Variants in PCDHGA6 observed in about 807,000 individuals in gnomAD.
PCDHGA6 encodes protocadherin gamma subfamily A, 6.
A neutral mutation model predicts 60.6 loss-of-function variants in PCDHGA6; 41 were observed. That is an observed-to-expected ratio of 0.68 (90% CI 0.53 to 0.88). PCDHGA6 has a LOEUF of 0.88. PCDHGA6 is among the 40% of genes least tolerant of loss of function. The probability of loss-of-function intolerance (pLI) is 0.00; values close to 1 mark genes in which losing one functional copy is unlikely to be tolerated. For missense variants in PCDHGA6, 1,312 were observed against 1,203.0 expected (o/e 1.09, Z -1.34); for synonymous variants, 594 against 524.4 (o/e 1.13, Z -1.81).
At chr5:141,433,103 C>T (rs762225174) in intron 1 of PCDHGA6, 3 of 1,614,126 alleles carry the variant, frequency 1.9e-6, no homozygotes, top group Non-Finnish European at 2.5e-6. Flanking sequence ...GCTCGTCAGC[C>T]AGGAGAGCTT....
chr5:141,507,846 T>G (rs892503210), intron 3 of PCDHGA6, among the ~76,000 whole-genome samples: 1 of 152,134 alleles, frequency 6.6e-6, no homozygotes, highest in African/African-American at 2.4e-5. Context: ...CAGGCCCTGC[T>G]CTCACTTTCA....
At chr5:141,384,845 A>G (rs866832912) in intron 1 of PCDHGA6, 1 of 1,613,546 alleles carries the variant, frequency 6.2e-7, no homozygotes. Flanking sequence ...GTCCAGGACC[A>G]CGGTCAGCCT....
At chr5:141,386,725 TA>T (rs1200567298) in intron 1 of PCDHGA6, among the ~76,000 whole-genome samples, 3 of 152,182 alleles carry the variant, frequency 2.0e-5, no homozygotes, top group African/African-American at 7.2e-5. Context: ...CCAACAATGT[TA>T]CTGAGGGAAG....
At chr5:141,419,656 G>A (rs1374057056) in intron 1 of PCDHGA6, 15 of 1,612,528 alleles carry the variant, frequency 9.3e-6, no homozygotes, top group Non-Finnish European at 8.5e-6. Context: ...CGGACTCGGG[G>A]CACAATGCCT....
chr5:141,414,864 G>A (rs766848727), intron 1 of PCDHGA6: 2 of 1,614,174 alleles, frequency 1.2e-6, no homozygotes, highest in South Asian at 2.2e-5. Context: ...ACGACAATGC[G>A]CCCGAGATCC....
At chr5:141,408,266 C>G in intron 1 of PCDHGA6, 1 of 1,608,708 alleles carries the variant, frequency 6.2e-7, no homozygotes, top group Non-Finnish European at 8.5e-7. Flanking sequence ...TCCTTTGCTG[C>G]TGCCTTTGTT....
Position 141,486,616 on chromosome 5 carries a change from C to A in PCDHGA6, c.2425-8191C>A. On this transcript the variant is annotated intron_variant, in intron 1 of 3. Transcript: ENST00000517434. The surrounding 1 kb of genome is among the most constrained non-coding windows in gnomAD (Gnocchi z 5.0). ...TGCTTTGCTCCCTTGCAGCCTCTGACCCAGACTCTGGCTTGAATGCGCTTA... is the reference window on the plus strand; with the variant it reads ...TGCTTTGCTCCCTTGCAGCCTCTGAACCAGACTCTGGCTTGAATGCGCTTA... The A allele has an allele frequency of 6.2e-7, 1 of 1,613,618 alleles. No individual in the cohort carries two copies. Among genetic ancestry groups the A allele is most frequent in the Non-Finnish European group, 8.5e-7 (1 of 1,180,022 alleles).
chr5:141,383,027 C>A lies in PCDHGA6; in HGVS notation c.2424+6520C>A, dbSNP rs752703068. 3 of 1,613,838 alleles carry A rather than the reference C, an allele frequency of 1.9e-6. No homozygotes were observed. In the South Asian group the frequency reaches 3.3e-5, roughly 18 times the overall value. ...GTGTCGGAGGAGACGGACAAAGGGTCCTTTGTGGGAGACATCGCCAAGGAC... is the reference window on the plus strand; with the variant it reads ...GTGTCGGAGGAGACGGACAAAGGGTACTTTGTGGGAGACATCGCCAAGGAC... On this transcript the variant is annotated intron_variant, in intron 1 of 3. Coordinates refer to ENST00000517434, the MANE Select transcript of PCDHGA6 (RefSeq NM_018919.3).
chr5:141,384,405 C>T (rs1780049839), intron 1 of PCDHGA6: 2 of 1,613,882 alleles, frequency 1.2e-6, no homozygotes, highest in Non-Finnish European at 8.5e-7. Flanking sequence ...CTCCAGTGTC[C>T]TCCTATGTCT....
At chr5:141,424,610 ATAGAG>A (rs1374272828) in intron 1 of PCDHGA6, 2 of 152,216 alleles carry the variant, frequency 1.3e-5, no homozygotes, top group African/African-American at 4.8e-5. Flanking sequence ...ATTTATTCAA[ATAGAG>A]TAGTTTGTGA....
Position 141,489,088 on chromosome 5 carries a change from G to GCCA in PCDHGA6, c.2425-5719_2425-5718insCCA. ...CCCCTGCCCACCCCCGCCACTCGGTGACTAAGAACTGCTGCAAGCAGGCAA... is the reference window on the plus strand; with the variant it reads ...CCCCTGCCCACCCCCGCCACTCGGTGCCAACTAAGAACTGCTGCAAGCAGGCAA... On this transcript the variant is annotated intron_variant, in intron 1 of 3. Coordinates refer to ENST00000517434, the MANE Select transcript of PCDHGA6 (RefSeq NM_018919.3). This position sits in a 1 kb window ranked among gnomAD's most constrained non-coding sequence, Gnocchi z 4.5. The GCCA allele has an allele frequency of 2.9e-6, 1 of 347,238 alleles. No individual in the cohort carries two copies. 21.5% of individuals were successfully genotyped at this position (347,238 alleles called of 1,614,324 possible). A position where few individuals can be genotyped will look rare whatever the true frequency, so the allele number is the denominator to read the frequency against.
intron 1 of PCDHGA6, among the ~76,000 whole-genome samples, chr5:141,402,220 C>T (rs1489596372): frequency 2.0e-5 from 3 of 151,886 alleles, no homozygotes; most frequent in African/African-American, 2.4e-5. Context: ...TTAAAATAAA[C>T]GTTTTTCCAG....
chr5:141,432,615 T>G lies in PCDHGA6; in HGVS notation c.2424+56108T>G. ...GCCAGCGAGCCGGGACTCTTCTCGG[T>G]GGGTCTGCACACGGGCGAGGTGCGC... On this transcript the variant is annotated intron_variant, in intron 1 of 3. Coordinates refer to ENST00000517434, the MANE Select transcript of PCDHGA6 (RefSeq NM_018919.3). The surrounding 1 kb of genome is among the most constrained non-coding windows in gnomAD (Gnocchi z 6.0). The G allele has an allele frequency of 2.5e-6, 4 of 1,613,820 alleles. No homozygotes were observed. The highest frequency in any genetic ancestry group is 1.1e-5 in the South Asian group (1 of 91,054).
intron 1 of PCDHGA6, among the ~76,000 whole-genome samples, chr5:141,406,791 C>T (rs893207613): frequency 2.0e-5 from 3 of 152,182 alleles, no homozygotes; most frequent in Non-Finnish European, 4.4e-5. Context: ...TATATTATTT[C>T]TGGCTCAATT....
chr5:141,418,832 G>A, intron 1 of PCDHGA6: 1 of 1,614,008 alleles, frequency 6.2e-7, no homozygotes, highest in Non-Finnish European at 8.5e-7. Flanking sequence ...AAAAGACCGA[G>A]GATCTCTCTC....
chr5:141,390,518 T>C (rs1045172175), intron 1 of PCDHGA6: 28 of 570,804 alleles, frequency 4.9e-5, no homozygotes, highest in Middle Eastern at 4.8e-4. Context: ...TATAAAGCAA[T>C]GAGGGTGTGG....
chr5:141,477,600 T>A lies in PCDHGA6; in HGVS notation c.2425-17207T>A, dbSNP rs746047124. The A allele has an allele frequency of 6.2e-6, 10 of 1,614,146 alleles. No homozygotes were observed. The highest frequency in any genetic ancestry group is 7.6e-6 in the Non-Finnish European group (9 of 1,180,026). ...CCGCAGAATGCTCGGCTTTCTTTCT[T>A]TCTCTTGGAGCAAGGAGCTGAAACC... On this transcript the variant is annotated intron_variant, in intron 1 of 3. Coordinates refer to ENST00000517434, the MANE Select transcript of PCDHGA6 (RefSeq NM_018919.3). This position sits in a 1 kb window ranked among gnomAD's most constrained non-coding sequence, Gnocchi z 4.9.
intron 1 of PCDHGA6, among the ~76,000 whole-genome samples, chr5:141,435,953 G>A (rs2097789156): frequency 6.6e-6 from 1 of 151,984 alleles, no homozygotes; most frequent in Non-Finnish European, 1.5e-5. Context: ...CAAAAAAGGG[G>A]GCAAAATATA....
intron 1 of PCDHGA6, among the ~76,000 whole-genome samples, chr5:141,462,223 G>A (rs563764515): frequency 2.0e-5 from 3 of 152,144 alleles, no homozygotes; most frequent in Admixed American, 2.0e-4. Flanking sequence ...GCCTCCCAAA[G>A]TGCAGGGATT....
Sources: gnomAD v4.1 joint callset for allele counts (sites outside exome capture counted in the v4.1 genomes callset) on GRCh38, gnomAD v4.1.1 for gene constraint, Gnocchi (gnomAD v3.1) non-coding constraint, MANE v1.5 for transcripts, NCBI Gene and HGNC (gene_info 2026-07-23, HGNC 2026-07-21) for gene names.